OXSR1: variants seen among roughly 807,000 people sequenced by gnomAD.
OXSR1 encodes the protein oxidative stress responsive kinase 1.
OXSR1 carries 24 observed loss-of-function variants against 79.8 expected under a neutral mutation model. The observed-to-expected ratio is 0.30, with a 90% CI of 0.22 to 0.42. OXSR1 has a LOEUF of 0.42. Ranked by LOEUF, OXSR1 falls within the 10% of genes least tolerant of loss-of-function variation. The pLI is 1.00. For synonymous variants in OXSR1, 226 were observed against 209.2 expected, an observed-to-expected ratio of 1.08 and a Z score of -0.69; for missense variants, 430 against 618.4, an observed-to-expected ratio of 0.70 and a Z score of 3.23.
chr3:38,198,961 G>C, intron 4 of OXSR1, 98 bp downstream of exon 4: 1 of 994,098 alleles, frequency 1.0e-6, no homozygotes, highest in Non-Finnish European at 1.5e-6. Context: ...ATAGCTCTTT[G>C]TATCACTAGT....
At chr3:38,248,302 A>C (rs562252180) in intron 14 of OXSR1, among the ~76,000 whole-genome samples, 1 of 152,084 alleles carries the variant, frequency 6.6e-6, no homozygotes, top group Non-Finnish European at 1.5e-5. Context: ...AGGAAGTGCC[A>C]TAGGTAGCAG....
intron 10 of OXSR1, chr3:38,230,661 A>G (rs898199639): frequency 4.9e-6 from 2 of 406,378 alleles, no homozygotes; most frequent in Admixed American, 8.6e-5. Flanking sequence ...AGTAATTGGT[A>G]AATTAATTCT....
chr3:38,180,116 G>C (rs1701753906), intron 1 of OXSR1, among the ~76,000 whole-genome samples: 1 of 152,056 alleles, frequency 6.6e-6, no homozygotes, highest in Non-Finnish European at 1.5e-5. Flanking sequence ...CCTGATTTTT[G>C]TATTTTTAGT....
intron 11 of OXSR1, among the ~76,000 whole-genome samples, chr3:38,237,350 T>C (rs1025574877): frequency 6.6e-6 from 1 of 152,182 alleles, no homozygotes; most frequent in African/African-American, 2.4e-5. Flanking sequence ...TCTTATTCAG[T>C]TGGTATATCC....
intron 13 of OXSR1, among the ~76,000 whole-genome samples, chr3:38,246,830 A>G (rs1314525050): frequency 2.6e-5 from 4 of 152,214 alleles, no homozygotes; most frequent in Non-Finnish European, 4.4e-5. Context: ...TAAACCTCAG[A>G]CACTGCATAC....
chr3:38,226,851 A>G (rs974372018), intron 8 of OXSR1, among the ~76,000 whole-genome samples: 1 of 151,858 alleles, frequency 6.6e-6, no homozygotes, highest in Non-Finnish European at 1.5e-5. Context: ...GGGACAGAAA[A>G]AGGACATTAG....
At chr3:38,213,616 C>CTAAT in intron 4 of OXSR1, among the ~76,000 whole-genome samples, 1 of 152,264 alleles carries the variant, frequency 6.6e-6, no homozygotes, top group Non-Finnish European at 1.5e-5. Flanking sequence ...AAGTACTGAA[C>CTAAT]TAATATAAGA....
intron 3 of OXSR1, 124 bp from the exon 4 acceptor site, chr3:38,198,598 T>C: frequency 1.6e-6 from 1 of 612,482 alleles, no homozygotes; most frequent in Non-Finnish European, 2.7e-6. Context: ...TCATATTTGC[T>C]GTTTTTTTCA....
intron 1 of OXSR1, among the ~76,000 whole-genome samples, chr3:38,167,812 G>A (rs1701496583): frequency 6.6e-6 from 1 of 151,968 alleles, no homozygotes; most frequent in African/African-American, 2.4e-5. Context: ...TCATATTGAA[G>A]GAAAGGATTA....
intron 14 of OXSR1, 57 bp downstream of exon 14, chr3:38,247,789 T>G: frequency 1.4e-5 from 15 of 1,069,388 alleles, no homozygotes; most frequent in Non-Finnish European, 1.9e-5. Context: ...CTGCATGTGC[T>G]GTAATAGTCT....
chr3:38,235,646 T>C (rs1702903718), intron 10 of OXSR1, among the ~76,000 whole-genome samples: 1 of 152,200 alleles, frequency 6.6e-6, no homozygotes, highest in South Asian at 2.1e-4. Flanking sequence ...CTCTGTAGTC[T>C]TCCAGGGAGG....
At chr3:38,244,391 T>G (rs1703094238) in intron 12 of OXSR1, among the ~76,000 whole-genome samples, 1 of 152,198 alleles carries the variant, frequency 6.6e-6, no homozygotes, top group African/African-American at 2.4e-5. Context: ...TCTTCAGAAC[T>G]ATTTTATCTT....
intron 7 of OXSR1, 111 bp from the exon 8 acceptor site, chr3:38,224,460 A>G (rs2125838055): frequency 3.9e-6 from 3 of 766,670 alleles, no homozygotes; most frequent in Non-Finnish European, 4.3e-6. Context: ...CTTACAGAAA[A>G]TAAAATGTTT....
intron 6 of OXSR1, among the ~76,000 whole-genome samples, chr3:38,223,159 A>AGAG (rs1702621743): frequency 1.3e-5 from 2 of 152,180 alleles, no homozygotes; most frequent in Admixed American, 1.3e-4. Flanking sequence ...TTTTAGAGAC[A>AGAG]GAGTCTTGCT....
At chr3:38,201,348 G>A (rs1186716550) in intron 4 of OXSR1, among the ~76,000 whole-genome samples, 2 of 151,384 alleles carry the variant, frequency 1.3e-5, no homozygotes, top group Non-Finnish European at 2.9e-5. Context: ...GATTGCTTGA[G>A]CCCAGGAGTT....
In OXSR1 at chr3:38,230,279, C is replaced by T. The variant is rs1702777762; in HGVS notation, c.886-86C>T. 6 of 813,602 alleles carry T rather than the reference C, an allele frequency of 7.4e-6. No homozygotes were observed. The East Asian group carries it at 1.5e-4, about 20-fold the overall frequency. 50.4% of individuals were successfully genotyped at this position (813,602 alleles called of 1,614,324 possible). On this transcript the variant is annotated intron_variant, in intron 9 of 17. Transcript: ENST00000311806. ...TCATTACAGAACAGTTACTATATCA[C>T]ATTTTGATTATGGTGAACTTTTTTG...
At chr3:38,249,092 A>C (rs953091875) in intron 14 of OXSR1, among the ~76,000 whole-genome samples, 2 of 152,226 alleles carry the variant, frequency 1.3e-5, no homozygotes, top group African/African-American at 4.8e-5. Context: ...GTTATATTTG[A>C]GATGGGTAGT....
At chr3:38,185,937 G>T (rs555340109) in intron 2 of OXSR1, among the ~76,000 whole-genome samples, 44 of 130,008 alleles carry the variant, frequency 3.4e-4, no homozygotes, top group African/African-American at 1.3e-3. Context: ...ACAGAGTGAG[G>T]CCCTGTCTCA....
chr3:38,166,726 C>T (rs183233912), intron 1 of OXSR1, among the ~76,000 whole-genome samples: 41 of 144,088 alleles, frequency 2.8e-4, no homozygotes, highest in Admixed American at 8.0e-4. Context: ...GGAGGCGGAG[C>T]TTGCAGTGAG....
Sources: gnomAD v4.1 joint callset for allele counts (sites outside exome capture counted in the v4.1 genomes callset) on GRCh38, gnomAD v4.1.1 for gene constraint, MANE v1.5 for transcripts, NCBI Gene and HGNC (gene_info 2026-07-23, HGNC 2026-07-21) for gene names.